Variants in SOX6 observed in about 807,000 individuals in gnomAD.
SOX6 encodes the protein SRY-box transcription factor 6, also known as transcription factor SOX-6.
In SOX6, 11 loss-of-function variants were observed where a neutral mutation model predicts 97.8. The observed-to-expected ratio is 0.11, with a 90% CI of 0.07 to 0.19. The LOEUF is 0.19. Ranked by LOEUF, SOX6 falls within the 10% of genes least tolerant of loss-of-function variation. SOX6 has a pLI of 1.00. For synonymous variants in SOX6, 360 were observed against 371.4 expected (o/e 0.97, Z 0.35); for missense variants, 810 against 1,039.5 (o/e 0.78, Z 3.04).
intron 1 of SOX6, among the ~76,000 whole-genome samples, chr11:16,419,989 T>C (rs758306846): frequency 1.3e-5 from 2 of 152,182 alleles, no homozygotes; most frequent in Non-Finnish European, 2.9e-5. Context: ...TCAAAGTGAA[T>C]CAAACTCAAA....
rs552303721 is a variant in SOX6 at position 16,722,375 on chromosome 11, G to A, written n.354-7470C>T. On this transcript the variant is annotated intron_variant and non_coding_transcript_variant, in intron 2 of 5. Transcript: ENST00000524520. ...CCCATTAAAAAGTGGGCAATGGGCC[G>A]GGTGCAGTGGTTCACACCTGTAATC... 3.0e-4 allele frequency among the ~76,000 whole-genome samples: 45 copies of A among 152,272 alleles called. No homozygotes were observed. The East Asian group carries it at 6.4e-3, about 22-fold the overall frequency.
At chr11:16,163,239 C>T (rs1002319018) in intron 6 of SOX6, among the ~76,000 whole-genome samples, 3 of 152,066 alleles carry the variant, frequency 2.0e-5, no homozygotes, top group Non-Finnish European at 4.4e-5. Context: ...TATGTATGTG[C>T]TATATGCATG....
At chr11:16,594,400 AAAAGCTAACAAT>A (rs1376046137) in intron 4 of SOX6, among the ~76,000 whole-genome samples, 2 of 152,186 alleles carry the variant, frequency 1.3e-5, no homozygotes, top group African/African-American at 4.8e-5. Flanking sequence ...TCTGATATCA[AAAAGCTAACAAT>A]TTCTTTAAAA....
In SOX6 at chr11:16,283,828, T is replaced by TA. The variant is rs79248015; in HGVS notation, c.445+34617dup. The TA allele has an allele frequency of 1.4e-4, 48 of 353,362 alleles. No individual in the cohort carries two copies. In the East Asian group the frequency reaches 3.8e-3, roughly 28 times the overall value. 21.9% of individuals were successfully genotyped at this position (353,362 alleles called of 1,614,324 possible). Reference sequence around the variant, plus strand: ...ATGTTCGATAATTTCAGTTACTTTTTAAAAAGTTCTCTAGATTCATGTTAT... The same window carrying TA: ...ATGTTCGATAATTTCAGTTACTTTTTAAAAAAGTTCTCTAGATTCATGTTAT... On this transcript the variant is annotated intron_variant, in intron 3 of 15. Transcript: ENST00000683767.
chr11:16,209,144 T>C (rs771192789), intron 4 of SOX6, among the ~76,000 whole-genome samples: 5 of 152,200 alleles, frequency 3.3e-5, no homozygotes, highest in Non-Finnish European at 7.4e-5. Context: ...TCTCACAAAA[T>C]TGTTTTTGTA....
chr11:16,426,297 C>A lies in SOX6; in HGVS notation c.-5+50018G>T, dbSNP rs1404689217. Among the ~76,000 whole-genome samples the A allele has an allele frequency of 5.3e-3, 363 of 68,870 alleles. 3 individuals carry two copies. The highest frequency in any genetic ancestry group is 0.017 in the African/African-American group (309 of 17,948). The allele number at this position is 68,870 out of a possible 152,430, so 45.2% of individuals were successfully genotyped here. A position where few individuals can be genotyped will look rare whatever the true frequency, so the allele number is the denominator to read the frequency against. ...AAAAAAAAAAAAAAAAAAAAAAAAACCACTATTTTAAAATTCATATGGAAT... is the reference window on the plus strand; with the variant it reads ...AAAAAAAAAAAAAAAAAAAAAAAAAACACTATTTTAAAATTCATATGGAAT... On this transcript the variant is annotated intron_variant, in intron 1 of 15. Transcript: ENST00000396356.
intron 12 of SOX6, among the ~76,000 whole-genome samples, chr11:16,042,437 G>A (rs568825593): frequency 3.9e-5 from 6 of 152,238 alleles, no homozygotes; most frequent in Non-Finnish European, 7.4e-5. Context: ...TTTCTGCTTC[G>A]CTGTTTTTAT....
At chr11:16,317,064 G>A (rs2134299494) in intron 3 of SOX6, 1 of 151,682 alleles carries the variant, frequency 6.6e-6, no homozygotes, top group East Asian at 1.9e-4. Context: ...TGATATTGAA[G>A]GAGAAACCAA....
At position 16,449,628 on chromosome 11, in the gene SOX6, T is replaced by C. The variant is rs940388430; in HGVS notation, c.-5+26687A>G. Among the ~76,000 whole-genome samples, 4 of 152,242 alleles carry C rather than the reference T, an allele frequency of 2.6e-5. No homozygotes were observed. The East Asian group carries it at 5.8e-4, about 22-fold the overall frequency. On this transcript the variant is annotated intron_variant, in intron 1 of 15. Coordinates refer to the SOX6 transcript ENST00000396356. ...ATTTTTAAAATATATAAACCTCCAA[T>C]TGGTTGCCTGCCATGTATAAGCAGA...
chr11:15,994,782 T>C (rs1175396441), intron 13 of SOX6, among the ~76,000 whole-genome samples: 2 of 152,082 alleles, frequency 1.3e-5, no homozygotes, highest in East Asian at 1.9e-4. Context: ...AATCAAATTC[T>C]GGTAATGGCA....
rs546508996 is a variant in SOX6, at chr11:16,027,050, A to G, written c.1624-12000T>C. ...ATTACCATTACTTCCAACAGAGTTA[A>G]CATGTAGTTACCATAAAATAACATA... On this transcript the variant is annotated intron_variant, in intron 12 of 15. Coordinates refer to ENST00000683767, the MANE Select transcript of SOX6 (RefSeq NM_001367873.1). Among the ~76,000 whole-genome samples, 386 of 152,300 alleles carry G rather than the reference A, an allele frequency of 2.5e-3. 1 individual carries two copies. The highest frequency in any genetic ancestry group is 8.9e-3 in the African/African-American group (372 of 41,576).
chr11:16,367,320 A>C (rs1365214001), intron 1 of SOX6, among the ~76,000 whole-genome samples: 1 of 152,164 alleles, frequency 6.6e-6, no homozygotes, highest in East Asian at 1.9e-4. Flanking sequence ...AATTCAGAAA[A>C]ACAAGAGCAG....
intron 3 of SOX6, among the ~76,000 whole-genome samples, chr11:16,698,009 A>G (rs1188343843): frequency 1.3e-5 from 2 of 152,240 alleles, no homozygotes; most frequent in Non-Finnish European, 2.9e-5. Context: ...TAAGGCTTCC[A>G]AAAAGGTAAA....
chr11:16,141,177 A>AT (rs1469828116), intron 6 of SOX6, among the ~76,000 whole-genome samples: 1 of 152,124 alleles, frequency 6.6e-6, no homozygotes, highest in Non-Finnish European at 1.5e-5. Flanking sequence ...AGTAAAGGTC[A>AT]TCCTATGGTT....
At chr11:16,169,526 T>C (rs1439921581) in intron 6 of SOX6, among the ~76,000 whole-genome samples, 1 of 151,760 alleles carries the variant, frequency 6.6e-6, no homozygotes, top group Non-Finnish European at 1.5e-5. Context: ...ATATGAGTGA[T>C]GAAAGTAGAG....
intron 3 of SOX6, among the ~76,000 whole-genome samples, chr11:16,687,918 T>G (rs1449248881): frequency 6.6e-6 from 1 of 152,158 alleles, no homozygotes; most frequent in Non-Finnish European, 1.5e-5. Context: ...TATCTTTGTT[T>G]CTCTATAAAT....
chr11:16,280,653 C>T (rs1471089206), intron 3 of SOX6, among the ~76,000 whole-genome samples: 3 of 152,068 alleles, frequency 2.0e-5, no homozygotes, highest in East Asian at 3.9e-4. Context: ...CCAAATCAAA[C>T]TGTGTTTCCC....
chr11:16,250,360 T>G (rs372711291), intron 3 of SOX6, among the ~76,000 whole-genome samples: 1 of 152,148 alleles, frequency 6.6e-6, no homozygotes, highest in African/African-American at 2.4e-5. Context: ...TAGGAAACCA[T>G]AAGCTTAAAA....
At position 16,049,973 on chromosome 11, in the gene SOX6, A is replaced by G. The variant is rs779634042; in HGVS notation, c.1252-35T>C. On this transcript the variant is annotated intron_variant, in intron 10 of 15. Transcript: ENST00000683767. ...TTTAACGTAAATAATTATTTTTACA[A>G]AAGACAAATGAAGCACATTATCACT... is the stretch of plus-strand genomic sequence containing the variant. 1.7e-5 allele frequency: 27 copies of G among 1,609,744 alleles called. No individual in the cohort carries two copies. The South Asian group carries it at 2.9e-4, about 17-fold the overall frequency.
Sources: gnomAD v4.1 joint callset for allele counts (sites outside exome capture counted in the v4.1 genomes callset) on GRCh38, gnomAD v4.1.1 for gene constraint, MANE v1.5 for transcripts, NCBI Gene and HGNC (gene_info 2026-07-23, HGNC 2026-07-21) for gene names.